The following SLC48A1 variants were observed in gnomAD, a reference collection of about 807,000 sequenced individuals.
SLC48A1 encodes solute carrier family 48 member 1.
Under a neutral mutation model 14.8 loss-of-function variants are expected in SLC48A1, and 6 were observed. The observed-to-expected ratio is 0.41, with a 90% CI of 0.22 to 0.80. The LOEUF (loss-of-function observed/expected upper bound fraction) is 0.80, where lower values mean the gene tolerates loss of function less well. SLC48A1 is among the 30% of genes least tolerant of loss of function. The pLI is 0.34. For missense variants in SLC48A1, 165 were observed against 204.8 expected (o/e 0.81, Z 1.19); for synonymous variants, 89 against 90.0 (o/e 0.99, Z 0.06).
chr12:47,782,621 T>A lies in SLC48A1; in HGVS notation c.*2340T>A, dbSNP rs1414059907. On this transcript the variant is annotated 3_prime_UTR_variant, in exon 3 of 3. Coordinates refer to ENST00000442218, the MANE Select transcript of SLC48A1 (RefSeq NM_017842.3). Reference sequence around the variant, plus strand: ...CGGCCCAGACCACCCTGGTCCCTCCTCCGGCAGTGACTCAGACCCACACTG... The same window carrying A: ...CGGCCCAGACCACCCTGGTCCCTCCACCGGCAGTGACTCAGACCCACACTG... 1 of 152,284 alleles carries A rather than the reference T, an allele frequency of 6.6e-6. No individual in the cohort carries two copies. Among genetic ancestry groups the A allele is most frequent in the Non-Finnish European group, 1.5e-5 (1 of 68,080 alleles). The allele number at this position is 152,284 out of a possible 1,614,324, so 9.4% of individuals were successfully genotyped here. A position where few individuals can be genotyped will look rare whatever the true frequency, so the allele number is the denominator to read the frequency against.
chr12:47,763,638 C>T (rs899845796), intron 2 of SLC48A1, among the ~76,000 whole-genome samples: 1 of 152,202 alleles, frequency 6.6e-6, no homozygotes, highest in Non-Finnish European at 1.5e-5. Context: ...CTTGCCCATT[C>T]CTGGGGTGGG....
chr12:47,772,362 G>C (rs1039986341), upstream of SLC48A1: 1 of 154,710 alleles, frequency 6.5e-6, no homozygotes, highest in African/African-American at 2.4e-5. Context: ...GGGAGGATAA[G>C]GCTTGTGCTG....
Position 47,777,278 on chromosome 12 carries a change from C to G in SLC48A1, c.137-1750C>G, listed in dbSNP as rs1042073899. Reference sequence around the variant, plus strand: ...GATGCTTGTCCTGGCCCACCCTGATCTCAGTAGGAGGGGGACCCACATTCC... The same window carrying G: ...GATGCTTGTCCTGGCCCACCCTGATGTCAGTAGGAGGGGGACCCACATTCC... On this transcript the variant is annotated intron_variant, in intron 1 of 2. Transcript: ENST00000442218. This position sits in a 1 kb window ranked among gnomAD's most constrained non-coding sequence, Gnocchi z 4.5. Among the ~76,000 whole-genome samples, 4 of 152,192 alleles carry G rather than the reference C, an allele frequency of 2.6e-5. No homozygotes were observed. Among genetic ancestry groups the G allele is most frequent in the African/African-American group, 9.7e-5 (4 of 41,432 alleles).
upstream of SLC48A1, chr12:47,770,904 G>C (rs567316685): frequency 2.2e-6 from 1 of 456,148 alleles, no homozygotes; most frequent in African/African-American, 2.0e-5. Flanking sequence ...GCCATCACAC[G>C]TGCGGTTCCC....
At chr12:47,771,342 C>T (rs1223122342), upstream of SLC48A1, among the ~76,000 whole-genome samples, 1 of 150,812 alleles carries the variant, frequency 6.6e-6, no homozygotes, top group African/African-American at 2.4e-5. Flanking sequence ...ATATGCCAGA[C>T]ATGCTTTTAG....
chr12:47,771,968 C>G (rs929395924), upstream of SLC48A1, among the ~76,000 whole-genome samples: 1 of 151,996 alleles, frequency 6.6e-6, no homozygotes, highest in East Asian at 1.9e-4. Context: ...CTGATTTTCC[C>G]CTAGAGCCTC....
Position 47,779,126 on chromosome 12 carries a change from G to A in SLC48A1, c.235G>A (p.Val79Ile), listed in dbSNP as rs1053470671. ...GCTGCGCGGCTTCTTCTTCGTGGGC[G>A]TCCTCTTCTCGGCCGTCTCCATCGC... ...KGLRGFFFVG[V>I]LFSAVSIAAF... The change falls in exon 2 of 3, where the codon GTC becomes ATC. Residue 79 changes from valine to isoleucine, a missense_variant. Physicochemically the swap from Val to Ile is conservative, Grantham distance 29. Transcript: ENST00000442218. The A allele has an allele frequency of 4.9e-5, 76 of 1,551,870 alleles. No homozygotes were observed. Among genetic ancestry groups the A allele is most frequent in the East Asian group, 2.9e-4 (12 of 40,922 alleles).
chr12:47,780,321 G>A lies in SLC48A1; in HGVS notation c.*40G>A. 2 of 1,614,050 alleles carry A rather than the reference G, an allele frequency of 1.2e-6. No individual in the cohort carries two copies. Among genetic ancestry groups the A allele is most frequent in the Non-Finnish European group, 1.7e-6 (2 of 1,179,942 alleles). On this transcript the variant is annotated 3_prime_UTR_variant, in exon 3 of 3. Transcript: ENST00000442218. Reference sequence around the variant, plus strand: ...TCTCTGCACCCTGGGGGGGCCTTAGGACCTGGACTCAGCCTCTGAGATGTT... The same window carrying A: ...TCTCTGCACCCTGGGGGGGCCTTAGAACCTGGACTCAGCCTCTGAGATGTT...
At chr12:47,758,884 AC>A in intron 1 of SLC48A1, 1 of 1,132,856 alleles carries the variant, frequency 8.8e-7, no homozygotes, top group Non-Finnish European at 1.1e-6. Flanking sequence ...CTGCGCTGGC[AC>A]CGGTCCGGGC....
At chr12:47,776,167 G>A (rs761214689) in intron 1 of SLC48A1, among the ~76,000 whole-genome samples, 2 of 152,186 alleles carry the variant, frequency 1.3e-5, no homozygotes, top group Non-Finnish European at 1.5e-5. Context: ...GATCCCCCGG[G>A]TGTCTCCTGT....
At chr12:47,770,640 C>T (rs1164012406), upstream of SLC48A1, among the ~76,000 whole-genome samples, 3 of 152,214 alleles carry the variant, frequency 2.0e-5, no homozygotes, top group Admixed American at 2.0e-4. Context: ...TCCAACTCAT[C>T]TCTCTGCTTC....
In SLC48A1 at chr12:47,779,184, C is replaced by T. The variant is rs368470521; in HGVS notation, c.293C>T (p.Thr98Ile). The T allele has an allele frequency of 1.8e-5, 28 of 1,551,404 alleles. No individual in the cohort carries two copies. The South Asian group carries it at 2.6e-4, about 15-fold the overall frequency. ...TGCACCTTCCTCGTGCTGGCCATCA[C>T]CCGGCATCAGAGTGAGGGCGGGTCC... ...AFCTFLVLAI[T>I]RHQSLTDPTS... The change falls in exon 2 of 3, where the codon ACC (threonine) becomes ATC (isoleucine). Residue 98 changes from threonine to isoleucine, a missense_variant. Coordinates refer to ENST00000442218, the MANE Select transcript of SLC48A1 (RefSeq NM_017842.3).
chr12:47,775,350 C>T (rs528576839), intron 1 of SLC48A1, among the ~76,000 whole-genome samples: 12 of 152,324 alleles, frequency 7.9e-5, no homozygotes, highest in African/African-American at 2.6e-4. Flanking sequence ...GAGCTGCCTT[C>T]AGAGAGAGGC....
chr12:47,761,111 T>A (rs892820696), intron 2 of SLC48A1, among the ~76,000 whole-genome samples: 4 of 151,576 alleles, frequency 2.6e-5, no homozygotes, highest in Non-Finnish European at 4.4e-5. Flanking sequence ...GCAGGAGAAT[T>A]CTTTCAACCC....
At chr12:47,773,116 T>C, upstream of SLC48A1, 1 of 844,692 alleles carries the variant, frequency 1.2e-6, no homozygotes, top group Non-Finnish European at 1.4e-6. Flanking sequence ...CGGTGGCGTC[T>C]GCGGTTCCGG....
rs774143655 is a variant in SLC48A1, at chr12:47,780,584, T to G, written c.*303T>G. Reference sequence around the variant, plus strand: ...TTTTTTTTTCTTTTTTTTTTTTTTTTGAGATGGAGTCTTACTCTGTCACCC... The same window carrying G: ...TTTTTTTTTCTTTTTTTTTTTTTTTGGAGATGGAGTCTTACTCTGTCACCC... On this transcript the variant is annotated 3_prime_UTR_variant, in exon 3 of 3. Transcript: ENST00000442218. 2.0e-6 allele frequency: 1 copy of G among 489,330 alleles called. No individual in the cohort carries two copies. Among genetic ancestry groups the G allele is most frequent in the South Asian group, 1.7e-5 (1 of 59,708 alleles). The allele number at this position is 489,330 out of a possible 1,614,324, so 30.3% of individuals were successfully genotyped here. A position where few individuals can be genotyped will look rare whatever the true frequency, so the allele number is the denominator to read the frequency against.
intron 1 of SLC48A1, among the ~76,000 whole-genome samples, chr12:47,775,244 T>C (rs1027897752): frequency 6.6e-6 from 1 of 152,188 alleles, no homozygotes; most frequent in African/African-American, 2.4e-5. Context: ...TTCTTTCTTA[T>C]ACTCTAGGGA....
intron 1 of SLC48A1, among the ~76,000 whole-genome samples, chr12:47,774,389 G>A (rs772434069): frequency 5.3e-5 from 8 of 152,082 alleles, no homozygotes; most frequent in East Asian, 1.9e-4. Flanking sequence ...TAGGCCTTAC[G>A]ATTATGTCCA....
upstream of SLC48A1, among the ~76,000 whole-genome samples, chr12:47,771,803 G>T (rs1424397176): frequency 1.3e-5 from 2 of 152,020 alleles, no homozygotes; most frequent in African/African-American, 4.8e-5. Flanking sequence ...TGTGGTGGTG[G>T]AAGCGTGTAA....
Sources: gnomAD v4.1 joint callset for allele counts (sites outside exome capture counted in the v4.1 genomes callset) on GRCh38, gnomAD v4.1.1 for gene constraint, Gnocchi (gnomAD v3.1) non-coding constraint, MANE v1.5 for transcripts, NCBI Gene and HGNC (gene_info 2026-07-23, HGNC 2026-07-21) for gene names.